The following LRP12 variants were observed in gnomAD, a reference collection of about 807,000 sequenced individuals.
LRP12 encodes low-density lipoprotein receptor-related protein 12.
A neutral mutation model predicts 66.0 loss-of-function variants in LRP12; 14 were observed. The observed-to-expected ratio is 0.21, with a 90% CI of 0.14 to 0.33. LRP12 has a LOEUF of 0.33. Ranked by LOEUF, LRP12 falls within the 10% of genes least tolerant of loss-of-function variation. LRP12 has a pLI of 1.00. For missense variants in LRP12, 889 were observed against 1,053.4 expected (o/e 0.84, Z 2.16); for synonymous variants, 357 against 359.1 (o/e 0.99, Z 0.07).
chr8:104,553,045 A>T (rs543315326), intron 1 of LRP12, among the ~76,000 whole-genome samples: 2 of 152,318 alleles, frequency 1.3e-5, no homozygotes, highest in South Asian at 4.1e-4. Context: ...ATATAGGGGT[A>T]CAGGAAGCAG....
chr8:104,493,945 G>T lies in LRP12; in HGVS notation c.1713+1132C>A, dbSNP rs540480874. Among the ~76,000 whole-genome samples, 5 of 152,064 alleles carry T rather than the reference G, an allele frequency of 3.3e-5. No homozygotes were observed. The East Asian group carries it at 9.6e-4, about 29-fold the overall frequency. On this transcript the variant is annotated intron_variant, in intron 6 of 6. Coordinates refer to ENST00000276654, the MANE Select transcript of LRP12 (RefSeq NM_013437.5). ...CCTCTCCCTGTAATAAACTGTAATC[G>T]CAAGTGAGCTGCTTTCAGTGAGTTT...
intron 2 of LRP12, among the ~76,000 whole-genome samples, chr8:104,530,149 T>C (rs963082357): frequency 1.2e-4 from 18 of 152,204 alleles, no homozygotes; most frequent in African/African-American, 4.3e-4. Context: ...TATTTTTAAT[T>C]GAACTAATGA....
rs1554712979 is a variant in LRP12 at position 104,588,970 on chromosome 8, A to ACGCCGACGCCGC, written c.-74_-73insGCGGCGTCGGCG. 9 of 601,156 alleles carry ACGCCGACGCCGC rather than the reference A, an allele frequency of 1.5e-5. No homozygotes were observed. The highest frequency in any genetic ancestry group is 7.4e-5 in the African/African-American group (3 of 40,512). 37.2% of individuals were successfully genotyped at this position (601,156 alleles called of 1,614,324 possible). ...GAGAAGCTGGAGGTAGACGACGCCG[A>ACGCCGACGCCGC]CGCCGCCGCCGCCGCCGCCGCCGCC... On this transcript the variant is annotated 5_prime_UTR_variant, in exon 1 of 7. Transcript: ENST00000276654.
At chr8:104,553,610 C>T (rs990705257) in intron 1 of LRP12, among the ~76,000 whole-genome samples, 1 of 152,284 alleles carries the variant, frequency 6.6e-6, no homozygotes, top group South Asian at 2.1e-4. Flanking sequence ...AGAGTTTGAG[C>T]TCGGCCACAC....
Position 104,508,992 on chromosome 8 carries a change from T to C in LRP12, c.219A>G (p.Lys73=), listed in dbSNP as rs1810950169. ...CCCTTATGAACCAGCTACAGTTGAT[T>C]TTTGCAGGATATTCAGAAGGCCAGC... is the stretch of plus-strand genomic sequence containing the variant. ...SPGWPSEYPA[K]INCSWFIRAN... Residue 73 remains lysine (K), a synonymous_variant, in exon 3 of 7, where the codon AAA becomes AAG. Coordinates refer to ENST00000276654, the MANE Select transcript of LRP12 (RefSeq NM_013437.5). The C allele has an allele frequency of 1.2e-6, 2 of 1,613,882 alleles. No homozygotes were observed. The highest frequency in any genetic ancestry group is 1.7e-6 in the Non-Finnish European group (2 of 1,179,832).
At position 104,588,884 on chromosome 8, in the gene LRP12, C is replaced by T; in HGVS notation, c.14G>A (p.Trp5Ter). 1 of 1,610,034 alleles carries T rather than the reference C, an allele frequency of 6.2e-7. No homozygotes were observed. The part of the protein sequence containing the change: MACR[W>*]STKESPRWRS... ...CCACCGCGGAGACTCTTTTGTGCTC[C>T]AGCGACAGGCCATAACCACAGCAGA... is the stretch of plus-strand genomic sequence containing the variant. Residue 5 changes from tryptophan (W) to a stop codon, truncating the protein, a stop_gained, in exon 1 of 7, where the codon TGG becomes TAG. Coordinates refer to ENST00000276654, the MANE Select transcript of LRP12 (RefSeq NM_013437.5). LOFTEE classifies it high-confidence loss of function.
intron 2 of LRP12, among the ~76,000 whole-genome samples, chr8:104,524,241 CAAAA>C (rs57379814): frequency 0.016 from 1,506 of 96,788 alleles, 18 homozygotes; most frequent in African/African-American, 0.054. Context: ...GACCCTGTCT[CAAAA>C]AAAAAAAAAA....
chr8:104,551,979 G>T (rs1055300059), intron 1 of LRP12, among the ~76,000 whole-genome samples: 1 of 152,116 alleles, frequency 6.6e-6, no homozygotes, highest in African/African-American at 2.4e-5. Context: ...TTAACAATTT[G>T]GTTTCATATG....
chr8:104,512,733 G>A (rs1811016628), intron 2 of LRP12, among the ~76,000 whole-genome samples: 1 of 152,078 alleles, frequency 6.6e-6, no homozygotes, highest in Non-Finnish European at 1.5e-5. Flanking sequence ...CCCATAGGTG[G>A]TGCTCTTATA....
chr8:104,498,128 T>C, intron 4 of LRP12, 52 bp from the exon 5 acceptor site: 8 of 1,462,868 alleles, frequency 5.5e-6, no homozygotes, highest in Non-Finnish European at 7.3e-6. Context: ...AAAATTATAA[T>C]CTTTAAAAGA....
chr8:104,513,143 A>G (rs982158268), intron 2 of LRP12, among the ~76,000 whole-genome samples: 6 of 152,172 alleles, frequency 3.9e-5, no homozygotes, highest in East Asian at 1.9e-4. Context: ...ATTCCTTTCT[A>G]TATCTAAGAA....
intron 2 of LRP12, among the ~76,000 whole-genome samples, chr8:104,521,670 A>T (rs767399280): frequency 2.4e-4 from 36 of 151,734 alleles, no homozygotes; most frequent in Non-Finnish European, 4.6e-4. Context: ...TTTTCTTTAT[A>T]TAAAGGATAG....
intron 2 of LRP12, among the ~76,000 whole-genome samples, chr8:104,528,138 G>A (rs16871542): frequency 0.031 from 4,661 of 152,180 alleles, 238 homozygotes; most frequent in African/African-American, 0.11. Flanking sequence ...GATAACACTA[G>A]GTGCAGACAA....
chr8:104,588,996 GCCGAGCCA>G lies in LRP12; in HGVS notation c.-107_-100del. ...CGCCGCCGCCGCCGCCGCCGCCGCC[GCCGAGCCA>G]CCGGCTGCTCCCTGCGCTCTCCGCG... On this transcript the variant is annotated 5_prime_UTR_variant, in exon 1 of 7. Coordinates refer to ENST00000276654, the MANE Select transcript of LRP12 (RefSeq NM_013437.5). 5.7e-6 allele frequency: 5 copies of G among 877,190 alleles called. No individual in the cohort carries two copies. The highest frequency in any genetic ancestry group is 1.8e-5 in the South Asian group (1 of 56,192). 54.3% of individuals were successfully genotyped at this position (877,190 alleles called of 1,614,324 possible).
At chr8:104,499,743 G>A (rs1245909726) in intron 3 of LRP12, among the ~76,000 whole-genome samples, 1 of 152,072 alleles carries the variant, frequency 6.6e-6, no homozygotes, top group East Asian at 1.9e-4. Flanking sequence ...CACAAGTAAT[G>A]CTAGGTTCCA....
At chr8:104,553,122 C>T (rs1222154636) in intron 1 of LRP12, among the ~76,000 whole-genome samples, 1 of 152,066 alleles carries the variant, frequency 6.6e-6, no homozygotes, top group African/African-American at 2.4e-5. Context: ...TTCCAGGGGT[C>T]CTTGGGGAGG....
At chr8:104,558,724 A>G (rs1475557135) in intron 1 of LRP12, among the ~76,000 whole-genome samples, 1 of 152,182 alleles carries the variant, frequency 6.6e-6, no homozygotes, top group Non-Finnish European at 1.5e-5. Flanking sequence ...AAGGACTAAT[A>G]TCTAGAATCT....
At chr8:104,535,906 C>A (rs2140866228) in intron 1 of LRP12, among the ~76,000 whole-genome samples, 1 of 152,106 alleles carries the variant, frequency 6.6e-6, no homozygotes, top group Admixed American at 6.6e-5. Flanking sequence ...TTAAAATCTA[C>A]CTGCCACAGC....
At chr8:104,546,348 A>C (rs1225272930) in intron 1 of LRP12, among the ~76,000 whole-genome samples, 2 of 152,136 alleles carry the variant, frequency 1.3e-5, no homozygotes, top group Non-Finnish European at 2.9e-5. Context: ...TACAATCAAG[A>C]CACAAAACAT....
Sources: gnomAD v4.1 joint callset for allele counts (sites outside exome capture counted in the v4.1 genomes callset) on GRCh38, gnomAD v4.1.1 for gene constraint, MANE v1.5 for transcripts, NCBI Gene and HGNC (gene_info 2026-07-23, HGNC 2026-07-21) for gene names.